The following RNF6 variants were observed in gnomAD, a reference collection of about 807,000 sequenced individuals.
RNF6 encodes ring finger protein 6, also known as E3 ubiquitin-protein ligase RNF6.
A neutral mutation model predicts 50.1 loss-of-function variants in RNF6; 21 were observed. The ratio of observed to expected loss-of-function variants is 0.42; its 90% CI spans 0.30 to 0.60. RNF6 has a LOEUF of 0.60. RNF6 is among the 20% of genes least tolerant of loss of function. The pLI, the probability that RNF6 is intolerant of heterozygous loss-of-function variation, is 0.20. For synonymous variants in RNF6, 255 were observed against 291.8 expected, an observed-to-expected ratio of 0.87 and a Z score of 1.29; for missense variants, 698 against 838.2, an observed-to-expected ratio of 0.83 and a Z score of 2.07.
intron 5 of RNF6, among the ~76,000 whole-genome samples, chr13:26,153,868 G>C (rs1046344492): frequency 6.6e-6 from 1 of 152,072 alleles, no homozygotes; most frequent in African/African-American, 2.4e-5. Context: ...TTGCTCATCC[G>C]CGTATTTTTC....
intron 5 of RNF6, among the ~76,000 whole-genome samples, chr13:26,186,089 G>T (rs533185610): frequency 2.0e-5 from 3 of 152,294 alleles, no homozygotes; most frequent in African/African-American, 7.2e-5. Context: ...CCAGTCAGAC[G>T]ATTTACTCGG....
intron 5 of RNF6, among the ~76,000 whole-genome samples, chr13:26,198,310 G>C (rs527523520): frequency 1.3e-5 from 2 of 151,976 alleles, no homozygotes; most frequent in East Asian, 3.9e-4. Context: ...ATTCCTTCTT[G>C]CTCAGAAGAG....
At chr13:26,134,261 C>A (rs1322922768) in intron 5 of RNF6, among the ~76,000 whole-genome samples, 1 of 152,214 alleles carries the variant, frequency 6.6e-6, no homozygotes, top group East Asian at 1.9e-4. Flanking sequence ...AAATGAAAGT[C>A]CTGGCTTCCT....
At chr13:26,150,067 T>C (rs1372462549) in intron 5 of RNF6, among the ~76,000 whole-genome samples, 1 of 145,760 alleles carries the variant, frequency 6.9e-6, no homozygotes, top group Non-Finnish European at 1.5e-5. Context: ...TATATATACA[T>C]ATACATACAC....
intron 5 of RNF6, among the ~76,000 whole-genome samples, chr13:26,157,795 CAG>C (rs1174556549): frequency 6.6e-6 from 1 of 152,110 alleles, no homozygotes; most frequent in Non-Finnish European, 1.5e-5. Context: ...AAAGTATAAA[CAG>C]AGTGTGTCCT....
Position 26,219,632 on chromosome 13 carries a change from C to T in RNF6, c.18G>A (p.Ser6=). MNQSR[S]RSDGGSEETL... ...TTTCTTCACTGCCACCATCTGATCTCGATCTAGACTGATTCATCCTGAGAT... is the reference window on the plus strand; with the variant it reads ...TTTCTTCACTGCCACCATCTGATCTTGATCTAGACTGATTCATCCTGAGAT... The change falls in exon 3 of 5, where the codon TCG becomes TCA. Residue 6 remains serine (S), a synonymous_variant. Transcript: ENST00000381588. The T allele has an allele frequency of 3.1e-6, 5 of 1,613,352 alleles. No individual in the cohort carries two copies. In the East Asian group the frequency reaches 6.7e-5, roughly 22 times the overall value.
At position 26,214,946 on chromosome 13, in the gene RNF6, A is replaced by T; in HGVS notation, c.936T>A (p.Arg312=). ...TGCCACTCTGTCTCTGAATTGGTGA[A>T]CGGCTTCGACTATTGGAAGTAGATC... ...RLRSTSNSRS[R]SPIQRQSGTV... is the part of the protein sequence containing the mutation. Residue 312 remains arginine (R), a synonymous_variant, in exon 5 of 5, where the codon CGT becomes CGA. Coordinates refer to ENST00000381588, the MANE Select transcript of RNF6 (RefSeq NM_005977.4). 1 of 1,614,194 alleles carries T rather than the reference A, an allele frequency of 6.2e-7. No homozygotes were observed. The highest frequency in any genetic ancestry group is 8.5e-7 in the Non-Finnish European group (1 of 1,180,044).
intron 5 of RNF6, among the ~76,000 whole-genome samples, chr13:26,205,457 G>T (rs1462362818): frequency 2.0e-5 from 3 of 152,186 alleles, no homozygotes; most frequent in African/African-American, 7.2e-5. Flanking sequence ...GACTGGACTA[G>T]TTCAGAAAAT....
At chr13:26,206,870 T>G (rs919973852) in intron 5 of RNF6, among the ~76,000 whole-genome samples, 5 of 151,974 alleles carry the variant, frequency 3.3e-5, no homozygotes, top group African/African-American at 1.2e-4. Flanking sequence ...ACATTATGAC[T>G]CTCATGGGCC....
chr13:26,132,560 T>G (rs1228839225), intron 5 of RNF6: 2 of 378,124 alleles, frequency 5.3e-6, no homozygotes, highest in Admixed American at 3.1e-5. Flanking sequence ...TATCTAAAAA[T>G]GTATTGCACT....
At chr13:26,185,310 A>G (rs1226976538) in intron 5 of RNF6, among the ~76,000 whole-genome samples, 1 of 152,080 alleles carries the variant, frequency 6.6e-6, no homozygotes, top group Non-Finnish European at 1.5e-5. Flanking sequence ...CCAAGGTATT[A>G]TTTTTATTTT....
chr13:26,221,169 T>C (rs1469178328), intron 2 of RNF6, 79 bp downstream of exon 2: 1 of 152,232 alleles, frequency 6.6e-6, no homozygotes, highest in East Asian at 1.9e-4. Flanking sequence ...CAAGTTACCC[T>C]AATATTATTT....
At chr13:26,221,110 T>C (rs777125104) in intron 2 of RNF6, 138 bp downstream of exon 2, 42 of 152,222 alleles carry the variant, frequency 2.8e-4, no homozygotes, top group Non-Finnish European at 5.7e-4. Flanking sequence ...ACAGCAATAA[T>C]AGGATTTTTG....
intron 5 of RNF6, among the ~76,000 whole-genome samples, chr13:26,189,135 C>T (rs1347103082): frequency 6.6e-6 from 1 of 152,026 alleles, no homozygotes; most frequent in Non-Finnish European, 1.5e-5. Flanking sequence ...TTGAGACCAG[C>T]CTGGCCAACA....
intron 5 of RNF6, among the ~76,000 whole-genome samples, chr13:26,172,898 T>C (rs1303321712): frequency 6.6e-6 from 1 of 152,090 alleles, no homozygotes; most frequent in African/African-American, 2.4e-5. Context: ...AGAAAGGTTT[T>C]CTACCCAGAC....
At position 26,144,881 on chromosome 13, in the gene RNF6, T is replaced by C. The variant is rs574348740; in HGVS notation, n.769-12430A>G. On this transcript the variant is annotated intron_variant and non_coding_transcript_variant, in intron 5 of 5. Transcript: ENST00000468480. ...CTTGGCCCAATTGTGTATATACCAC[T>C]TCCATTTGGCAATGGAGTGCTATTG... The C allele has an allele frequency of 6.2e-4, 94 of 152,362 alleles. 1 individual carries two copies. The highest frequency in any genetic ancestry group is 2.0e-3 in the African/African-American group (83 of 41,580). The allele number at this position is 152,362 out of a possible 1,614,324, so 9.4% of individuals were successfully genotyped here. A position where few individuals can be genotyped will look rare whatever the true frequency, so the allele number is the denominator to read the frequency against.
chr13:26,168,839 C>G (rs1028723491), intron 5 of RNF6, among the ~76,000 whole-genome samples: 10 of 152,160 alleles, frequency 6.6e-5, no homozygotes, highest in Non-Finnish European at 1.5e-4. Flanking sequence ...CCTATCTCTA[C>G]AAAAAATTTA....
At chr13:26,139,493 C>T (rs114722355) in intron 5 of RNF6, among the ~76,000 whole-genome samples, 75 of 152,278 alleles carry the variant, frequency 4.9e-4, no homozygotes, top group African/African-American at 1.7e-3. Flanking sequence ...ATTGACCACC[C>T]TGTGTCACCA....
chr13:26,152,482 T>C (rs1871672599), intron 5 of RNF6, among the ~76,000 whole-genome samples: 1 of 152,246 alleles, frequency 6.6e-6, no homozygotes, highest in Non-Finnish European at 1.5e-5. Context: ...CCTTCAGCAC[T>C]TTATAAATAC....
Sources: gnomAD v4.1 joint callset for allele counts (sites outside exome capture counted in the v4.1 genomes callset) on GRCh38, gnomAD v4.1.1 for gene constraint, MANE v1.5 for transcripts, NCBI Gene and HGNC (gene_info 2026-07-23, HGNC 2026-07-21) for gene names.